NUP43: variants seen among roughly 807,000 people sequenced by gnomAD.
NUP43 encodes nucleoporin 43.
In NUP43, 32 loss-of-function variants were observed where a neutral mutation model predicts 47.3. That is an observed-to-expected ratio of 0.68 (90% CI 0.51 to 0.91). NUP43 has a LOEUF of 0.91. Among genes scored for constraint, NUP43 ranks in the 40% least tolerant of loss-of-function variants. The pLI, the probability that NUP43 is intolerant of heterozygous loss-of-function variation, is 0.00. For synonymous variants in NUP43, 147 were observed against 158.4 expected (o/e 0.93, Z 0.54); for missense variants, 444 against 453.9 (o/e 0.98, Z 0.20).
chr6:149,742,308 G>A, intron 4 of NUP43, 82 bp downstream of exon 4: 1 of 1,337,562 alleles, frequency 7.5e-7, no homozygotes, highest in Non-Finnish European at 1.1e-6. Context: ...TTGCCGGGGT[G>A]AGCCACCACA....
At chr6:149,747,061 C>A (rs1416279945), upstream of NUP43, among the ~76,000 whole-genome samples, 2 of 152,172 alleles carry the variant, frequency 1.3e-5, no homozygotes, top group Non-Finnish European at 2.9e-5. Context: ...AATTGCCTAG[C>A]TTTGATCAAT....
At chr6:149,734,043 C>T (rs1785194029) in intron 6 of NUP43, among the ~76,000 whole-genome samples, 1 of 151,882 alleles carries the variant, frequency 6.6e-6, no homozygotes, top group Admixed American at 6.6e-5. Context: ...AGGCTGGTCT[C>T]GAACTCCTGA....
intron 2 of NUP43, among the ~76,000 whole-genome samples, chr6:149,744,390 G>C (rs945424105): frequency 6.6e-6 from 1 of 151,694 alleles, no homozygotes; most frequent in African/African-American, 2.4e-5. Context: ...TGGGCGTGCT[G>C]GCATGTGCCT....
At chr6:149,737,929 G>A (rs544365716) in intron 5 of NUP43, among the ~76,000 whole-genome samples, 1 of 152,138 alleles carries the variant, frequency 6.6e-6, no homozygotes, top group Non-Finnish European at 1.5e-5. Flanking sequence ...GACCTCAAGT[G>A]ATCTGCCTGC....
At chr6:149,746,648 A>G (rs768643643), upstream of NUP43, 1 of 1,574,370 alleles carries the variant, frequency 6.4e-7, no homozygotes, top group South Asian at 1.1e-5. Context: ...GTGTGGGCAC[A>G]GTCAGTACCT....
upstream of NUP43, chr6:149,746,747 T>A (rs1222901340): frequency 2.3e-6 from 3 of 1,330,642 alleles, no homozygotes; most frequent in Admixed American, 8.1e-5. Flanking sequence ...GCTCCTAATC[T>A]GCAATGTCAG....
At chr6:149,747,470 G>A (rs2115174744), upstream of NUP43, among the ~76,000 whole-genome samples, 1 of 146,676 alleles carries the variant, frequency 6.8e-6, no homozygotes, top group East Asian at 2.0e-4. Context: ...TTTTTTTTTG[G>A]AGAGACGGGA....
intron 7 of NUP43, chr6:149,728,450 C>T: frequency 1.0e-6 from 1 of 984,614 alleles, no homozygotes; most frequent in Non-Finnish European, 1.2e-6. Flanking sequence ...CATGCATGCT[C>T]CACACATGCT....
At chr6:149,739,760 A>G (rs1370596379) in intron 4 of NUP43, among the ~76,000 whole-genome samples, 3 of 151,730 alleles carry the variant, frequency 2.0e-5, no homozygotes, top group East Asian at 1.9e-4. Context: ...AGTGCTTCCT[A>G]CAGAGCTCAT....
chr6:149,742,016 G>A (rs899784005), intron 4 of NUP43, among the ~76,000 whole-genome samples: 5 of 151,562 alleles, frequency 3.3e-5, no homozygotes, highest in South Asian at 2.1e-4. Context: ...GCGCCACCAC[G>A]CCTGGCTAAC....
chr6:149,742,185 C>G (rs980495825), intron 4 of NUP43, among the ~76,000 whole-genome samples: 3 of 152,224 alleles, frequency 2.0e-5, no homozygotes, highest in Non-Finnish European at 4.4e-5. Flanking sequence ...TGCCACCATG[C>G]CCAGCAAATT....
intron 2 of NUP43, among the ~76,000 whole-genome samples, chr6:149,744,906 T>TCA (rs1785886276): frequency 2.0e-5 from 3 of 150,790 alleles, no homozygotes; most frequent in African/African-American, 7.3e-5. Context: ...TATTTATTTA[T>TCA]TTATTTATTA....
chr6:149,735,796 A>C (rs1785302711), intron 6 of NUP43, among the ~76,000 whole-genome samples: 1 of 140,564 alleles, frequency 7.1e-6, no homozygotes, highest in African/African-American at 2.7e-5. Context: ...CCATATCTAC[A>C]AAAAAAAAAA....
chr6:149,744,783 C>G (rs1241466374), intron 2 of NUP43, among the ~76,000 whole-genome samples: 1 of 151,654 alleles, frequency 6.6e-6, no homozygotes, highest in Admixed American at 6.6e-5. Context: ...TTGCAGTAAG[C>G]TGAGCTCTCG....
intron 6 of NUP43, among the ~76,000 whole-genome samples, chr6:149,733,849 A>C (rs1320128811): frequency 6.8e-6 from 1 of 148,148 alleles, no homozygotes; most frequent in Non-Finnish European, 1.5e-5. Context: ...TTTGAGACGG[A>C]GTTTCACTCT....
intron 7 of NUP43, 137 bp from the exon 8 acceptor site, chr6:149,727,335 TA>T: frequency 1.4e-6 from 2 of 1,432,322 alleles, no homozygotes; most frequent in Non-Finnish European, 1.8e-6. Context: ...ATAATTCCAT[TA>T]TTATACATCA....
Position 149,746,010 on chromosome 6 carries a change from TCAGAGTC to T in NUP43, c.166_172del (p.Asp56MetfsTer20). 1 of 1,613,670 alleles carries T rather than the reference TCAGAGTC, an allele frequency of 6.2e-7. No homozygotes were observed. The highest frequency in any genetic ancestry group is 8.5e-7 in the Non-Finnish European group (1 of 1,179,658). On this transcript the variant is annotated frameshift_variant, in exon 2 of 8. Coordinates refer to ENST00000340413, the MANE Select transcript of NUP43 (RefSeq NM_198887.3). LOFTEE classifies it high-confidence loss of function. Reference sequence around the variant, plus strand: ...CTGATGGTCTCCTTCAAACCCTCCATCAGAGTCCAAGTTTCCAAAATCTCCAATAGAC... The same window carrying T: ...CTGATGGTCTCCTTCAAACCCTCCATCAAGTTTCCAAAATCTCCAATAGAC...
chr6:149,731,690 G>A lies in NUP43; in HGVS notation c.836C>T (p.Thr279Ile), dbSNP rs1012481069. 3 of 1,613,504 alleles carry A rather than the reference G, an allele frequency of 1.9e-6. No homozygotes were observed. The highest frequency in any genetic ancestry group is 2.5e-6 in the Non-Finnish European group (3 of 1,179,500). The change falls in exon 7 of 8, where the codon ACC becomes ATC. Residue 279 changes from threonine to isoleucine, a missense_variant. Coordinates refer to ENST00000340413, the MANE Select transcript of NUP43 (RefSeq NM_198887.3). ...CCAGAGGGATCCATCTTCAGAGCAG[G>A]TAAAAAGATGTTCTGGGTTGGATGG... ...FHPSNPEHLF[T>I]CSEDGSLWHW...
intron 6 of NUP43, among the ~76,000 whole-genome samples, chr6:149,734,352 C>T (rs1014530385): frequency 6.6e-5 from 10 of 150,906 alleles, no homozygotes; most frequent in Admixed American, 2.0e-4. Context: ...AAAAAATTAG[C>T]CGGGTGTAGT....
Sources: gnomAD v4.1 joint callset for allele counts (sites outside exome capture counted in the v4.1 genomes callset) on GRCh38, gnomAD v4.1.1 for gene constraint, MANE v1.5 for transcripts, NCBI Gene and HGNC (gene_info 2026-07-23, HGNC 2026-07-21) for gene names.